Variants in RPS10 observed in about 807,000 individuals in gnomAD.
RPS10 encodes ribosomal protein S10.
RPS10 carries 2 observed loss-of-function variants against 22.6 expected under a neutral mutation model. The observed-to-expected ratio is 0.09, with a 90% CI of 0.04 to 0.28. RPS10 has a LOEUF of 0.28. Ranked by LOEUF, RPS10 falls within the 10% of genes least tolerant of loss-of-function variation. The pLI is 1.00. For synonymous variants in RPS10, 70 were observed against 75.9 expected, an observed-to-expected ratio of 0.92 and a Z score of 0.40; for missense variants, 137 against 222.2, an observed-to-expected ratio of 0.62 and a Z score of 2.44.
At chr6:34,422,256 C>T (rs938049111) in intron 3 of RPS10, among the ~76,000 whole-genome samples, 12 of 152,196 alleles carry the variant, frequency 7.9e-5, no homozygotes, top group Non-Finnish European at 1.8e-4. Flanking sequence ...TTGAGTTCCT[C>T]TTGGGCTTCT....
chr6:34,419,960 G>A (rs1765707403), intron 4 of RPS10, among the ~76,000 whole-genome samples: 1 of 152,106 alleles, frequency 6.6e-6, no homozygotes, highest in Non-Finnish European at 1.5e-5. Flanking sequence ...ATAGCTCACT[G>A]TATCTCAAAC....
At position 34,426,033 on chromosome 6, in the gene RPS10, T is replaced by G. The variant is rs1248048320; in HGVS notation, c.-2A>C. Reference sequence around the variant, plus strand: ...AACTCGAACGCCACAGAAACTCACCTCTGCGGCTGCAGGGTCCGGTACCGG... The same window carrying G: ...AACTCGAACGCCACAGAAACTCACCGCTGCGGCTGCAGGGTCCGGTACCGG... On this transcript the variant is annotated splice_region_variant and 5_prime_UTR_variant, in exon 1 of 6. Transcript: ENST00000648437. 6.6e-6 allele frequency: 1 copy of G among 152,442 alleles called. No homozygotes were observed. The highest frequency in any genetic ancestry group is 2.4e-5 in the African/African-American group (1 of 41,464). The allele number at this position is 152,442 out of a possible 1,614,324, so 9.4% of individuals were successfully genotyped here. A position where few individuals can be genotyped will look rare whatever the true frequency, so the allele number is the denominator to read the frequency against.
chr6:34,418,868 T>C (rs910504610), intron 4 of RPS10, among the ~76,000 whole-genome samples: 1 of 152,124 alleles, frequency 6.6e-6, no homozygotes, highest in Non-Finnish European at 1.5e-5. Context: ...GTGTGCAAAA[T>C]TCACCAGTTT....
intron 5 of RPS10, chr6:34,418,112 T>C: frequency 7.4e-7 from 1 of 1,359,500 alleles, no homozygotes; most frequent in Non-Finnish European, 9.8e-7. Flanking sequence ...TTTAGTTCAA[T>C]GTCAAGCATT....
intron 4 of RPS10, 100 bp downstream of exon 4, chr6:34,421,630 T>A (rs1164275535): frequency 7.5e-7 from 1 of 1,330,162 alleles, no homozygotes; most frequent in East Asian, 2.3e-5. Context: ...CCTGGTCATT[T>A]TGTCATCATC....
intron 3 of RPS10, among the ~76,000 whole-genome samples, chr6:34,423,215 C>A (rs894818571): frequency 3.3e-5 from 5 of 150,362 alleles, no homozygotes; most frequent in Admixed American, 2.7e-4. Flanking sequence ...CTTTGTTGTT[C>A]AGGCTGAGTG....
At chr6:34,425,674 T>C (rs1032740763) in intron 1 of RPS10, 1 of 197,776 alleles carries the variant, frequency 5.1e-6, no homozygotes, top group Non-Finnish European at 1.1e-5. Context: ...CTTCGCACCC[T>C]CGTCTCCTAC....
chr6:34,417,628 T>TTA, intron 5 of RPS10, 81 bp from the exon 6 acceptor site: 1 of 1,390,064 alleles, frequency 7.2e-7, no homozygotes, highest in Non-Finnish European at 1.0e-6. Flanking sequence ...TCAGGCCTCA[T>TTA]TATAACTCCA....
At position 34,424,140 on chromosome 6, in the gene RPS10, TAAAAAA is replaced by T. The variant is rs71538239; in HGVS notation, c.322+523_322+528del. ...GCTGGGCAACAGAGCAAGACTCCGTTAAAAAAAAAAAAAAAAAAAAAAAAGCAACTG... is the reference window on the plus strand; with the variant it reads ...GCTGGGCAACAGAGCAAGACTCCGTTAAAAAAAAAAAAAAAAAAGCAACTG... On this transcript the variant is annotated intron_variant, in intron 3 of 5. Coordinates refer to ENST00000648437, the MANE Select transcript of RPS10 (RefSeq NM_001014.5). The T allele has an allele frequency of 1.5e-3, 72 of 49,154 alleles. 6 individuals are homozygous for T. The highest frequency in any genetic ancestry group is 6.2e-3 in the Admixed American group (15 of 2,416). The allele number at this position is 49,154 out of a possible 1,614,324, so 3.0% of individuals were successfully genotyped here.
At chr6:34,425,274 CCGGTAA>C in intron 1 of RPS10, 53 bp from the exon 2 acceptor site, 1 of 1,555,108 alleles carries the variant, frequency 6.4e-7, no homozygotes, top group South Asian at 1.2e-5. Flanking sequence ...AGGCCGGGGC[CCGGTAA>C]TCAAGTTCTT....
At position 34,418,441 on chromosome 6, in the gene RPS10, C is replaced by T. The variant is rs753421531; in HGVS notation, c.401-17G>A. On this transcript the variant is annotated splice_polypyrimidine_tract_variant and intron_variant, in intron 4 of 5. Coordinates refer to ENST00000648437, the MANE Select transcript of RPS10 (RefSeq NM_001014.5). ...CGGCACCAGCTAGAAAGTGAAACAT[C>T]GATTTAGAATCATCATATGATCTAA... 17 of 1,613,986 alleles carry T rather than the reference C, an allele frequency of 1.1e-5. No individual in the cohort carries two copies. The highest frequency in any genetic ancestry group is 4.5e-5 in the East Asian group (2 of 44,892).
chr6:34,424,064 TA>T (rs1765861736), intron 3 of RPS10, among the ~76,000 whole-genome samples: 2 of 131,280 alleles, frequency 1.5e-5, no homozygotes, highest in Non-Finnish European at 3.1e-5. Flanking sequence ...CAAAGAACCA[TA>T]ACCTAGATAA....
chr6:34,418,306 G>T, intron 5 of RPS10, 63 bp downstream of exon 5: 2 of 1,613,068 alleles, frequency 1.2e-6, no homozygotes, highest in South Asian at 2.2e-5. Context: ...ACAACTTGCA[G>T]AGCAACCAGA....
At chr6:34,418,474 TA>T in intron 4 of RPS10, 50 bp from the exon 5 acceptor site, 1 of 1,613,492 alleles carries the variant, frequency 6.2e-7, no homozygotes, top group Non-Finnish European at 8.5e-7. Context: ...TAATCTACTA[TA>T]GAACAAGGGA....
intron 3 of RPS10, among the ~76,000 whole-genome samples, chr6:34,422,737 G>A (rs1359572602): frequency 6.6e-6 from 1 of 151,698 alleles, no homozygotes; most frequent in African/African-American, 2.4e-5. Flanking sequence ...GGGATTACAG[G>A]TGTGAGCCAC....
chr6:34,424,417 A>G (rs1009235032), intron 3 of RPS10: 4 of 509,710 alleles, frequency 7.8e-6, no homozygotes, highest in Non-Finnish European at 1.4e-5. Context: ...TACCACATGT[A>G]TCTGGATGTT....
chr6:34,417,846 GCTT>G, intron 5 of RPS10: 1 of 718,412 alleles, frequency 1.4e-6, no homozygotes, highest in Non-Finnish European at 2.6e-6. Flanking sequence ...TACTGTACAT[GCTT>G]CCTTTTTACA....
At chr6:34,424,865 A>G in intron 2 of RPS10, 25 bp from the exon 3 acceptor site, 11 of 1,613,660 alleles carry the variant, frequency 6.8e-6, no homozygotes, top group Non-Finnish European at 9.3e-6. Flanking sequence ...ACTACTGTTA[A>G]GGCGTTAAGT....
intron 5 of RPS10, 121 bp from the exon 6 acceptor site, chr6:34,417,668 G>A (rs914879600): frequency 2.2e-6 from 2 of 903,354 alleles, no homozygotes; most frequent in Admixed American, 2.0e-5. Flanking sequence ...AGCTGGGAGA[G>A]AGCTGAGTAC....
Sources: gnomAD v4.1 joint callset for allele counts (sites outside exome capture counted in the v4.1 genomes callset) on GRCh38, gnomAD v4.1.1 for gene constraint, MANE v1.5 for transcripts, NCBI Gene and HGNC (gene_info 2026-07-23, HGNC 2026-07-21) for gene names.